Variants in COPS8 observed in about 807,000 individuals in gnomAD.
The protein encoded by COPS8 is COP9 signalosome subunit 8, also known as COP9 signalosome complex subunit 8.
Under a neutral mutation model 31.5 loss-of-function variants are expected in COPS8, and 11 were observed. The observed-to-expected ratio is 0.35, with a 90% CI of 0.22 to 0.58. COPS8 has a LOEUF of 0.58. Ranked by LOEUF, COPS8 falls within the 20% of genes least tolerant of loss-of-function variation. The pLI is 0.83. For missense variants in COPS8, 215 were observed against 255.1 expected, an observed-to-expected ratio of 0.84 and a Z score of 1.07; for synonymous variants, 81 against 89.3, an observed-to-expected ratio of 0.91 and a Z score of 0.52.
At position 237,094,109 on chromosome 2, in the gene COPS8, C is replaced by A. The variant is rs1267521537; in HGVS notation, c.351C>A (p.Ala117=). Residue 117 remains alanine (A), a synonymous_variant, in exon 5 of 8, where the codon GCC becomes GCA. Coordinates refer to ENST00000354371, the MANE Select transcript of COPS8 (RefSeq NM_006710.5). ...CAATAGATGCAACAAGGAGACGCGC[C>A]TTTGCCCTGGTCTCTCAAGCGTATA... ...EALRDATRRR[A]FALVSQAYTS... 1 of 1,613,786 alleles carries A rather than the reference C, an allele frequency of 6.2e-7. No individual in the cohort carries two copies. The highest frequency in any genetic ancestry group is 1.1e-5 in the South Asian group (1 of 91,006).
chr2:237,089,321 TTAAG>T (rs1234112377), intron 3 of COPS8, among the ~76,000 whole-genome samples: 3 of 152,182 alleles, frequency 2.0e-5, no homozygotes, highest in East Asian at 3.8e-4. Flanking sequence ...TTCTGTTCTG[TTAAG>T]TAAGATTGGA....
chr2:237,087,780 A>C (rs1156456146), intron 2 of COPS8, among the ~76,000 whole-genome samples: 1 of 152,110 alleles, frequency 6.6e-6, no homozygotes, highest in Non-Finnish European at 1.5e-5. Context: ...AAAATACAAA[A>C]AATTAGCTGG....
At chr2:237,089,333 G>A (rs1301604655) in intron 3 of COPS8, among the ~76,000 whole-genome samples, 1 of 151,646 alleles carries the variant, frequency 6.6e-6, no homozygotes, top group Non-Finnish European at 1.5e-5. Context: ...AAGTAAGATT[G>A]GAATATTCCT....
intron 1 of COPS8, chr2:237,086,625 C>A (rs80012723): frequency 6.0e-6 from 1 of 166,432 alleles, no homozygotes; most frequent in Non-Finnish European, 1.2e-5. Context: ...GAGACAACAT[C>A]CAGAAGCAGC....
chr2:237,095,703 A>G (rs1216331987), intron 5 of COPS8, 119 bp from the exon 6 acceptor site: 6 of 639,540 alleles, frequency 9.4e-6, no homozygotes, highest in East Asian at 8.3e-5. Flanking sequence ...GTAAAAATGC[A>G]TATGACGGGT....
intron 4 of COPS8, among the ~76,000 whole-genome samples, chr2:237,092,187 C>T (rs1198351833): frequency 2.0e-5 from 3 of 152,230 alleles, no homozygotes; most frequent in Non-Finnish European, 4.4e-5. Context: ...TTTATTCCAC[C>T]TTCCAGCGTG....
chr2:237,091,176 C>T (rs1312283595), intron 4 of COPS8, among the ~76,000 whole-genome samples: 1 of 152,092 alleles, frequency 6.6e-6, no homozygotes, highest in Non-Finnish European at 1.5e-5. Context: ...TTCCCGGAGC[C>T]GCCTCTCACT....
At position 237,085,994 on chromosome 2, in the gene COPS8, C is replaced by G. The variant is rs370080227; in HGVS notation, c.30C>G (p.Ala10=). The G allele has an allele frequency of 1.9e-6, 3 of 1,613,434 alleles. No homozygotes were observed. The highest frequency in any genetic ancestry group is 2.2e-5 in the South Asian group (2 of 90,970). Residue 10 remains alanine, a synonymous_variant, in exon 1 of 8, where the codon GCC becomes GCG. Transcript: ENST00000354371. MPVAVMAES[A]FSFKKLLDQC... The stretch of plus-strand genomic sequence containing the variant: ...CAGTGGCGGTGATGGCGGAAAGCGC[C>G]TTTAGTTTCAAAAAGTTGCTGGATC...
At position 237,097,983 on chromosome 2, in the gene COPS8, G is replaced by A. The variant is rs1275805157; in HGVS notation, c.*241G>A. The A allele has an allele frequency of 3.4e-5, 12 of 353,496 alleles. No homozygotes were observed. The highest frequency in any genetic ancestry group is 6.3e-5 in the African/African-American group (3 of 47,610). The allele number at this position is 353,496 out of a possible 1,614,324, so 21.9% of individuals were successfully genotyped here. On this transcript the variant is annotated 3_prime_UTR_variant, in exon 8 of 8. Transcript: ENST00000354371. The stretch of plus-strand genomic sequence containing the variant: ...TTAATAATCTGGATGGAGCCTGTCA[G>A]TATTACAGTTAGTTTTCTAGTGACT...
rs1051150648 is a variant in COPS8 at position 237,099,952 on chromosome 2, T to A, written c.*2210T>A. The A allele has an allele frequency of 6.6e-6, 1 of 152,200 alleles. No individual in the cohort carries two copies. The highest frequency in any genetic ancestry group is 2.4e-5 in the African/African-American group (1 of 41,452). The allele number at this position is 152,200 out of a possible 1,614,324, so 9.4% of individuals were successfully genotyped here. Reference sequence around the variant, plus strand: ...AAATATTTGTATATGTGTCTGTTTTTAACTCTTAATAACCTCATCACTGTA... The same window carrying A: ...AAATATTTGTATATGTGTCTGTTTTAAACTCTTAATAACCTCATCACTGTA... On this transcript the variant is annotated 3_prime_UTR_variant, in exon 8 of 8. Coordinates refer to ENST00000354371, the MANE Select transcript of COPS8 (RefSeq NM_006710.5).
chr2:237,087,389 A>G (rs1442243320), intron 2 of COPS8, 192 bp downstream of exon 2: 3 of 543,236 alleles, frequency 5.5e-6, no homozygotes, highest in South Asian at 2.6e-5. Context: ...TCTTACATAT[A>G]CTTTCTAGAA....
At chr2:237,096,005 A>T (rs1165417538) in intron 6 of COPS8, 121 bp downstream of exon 6, 3 of 671,360 alleles carry the variant, frequency 4.5e-6, no homozygotes, top group Non-Finnish European at 8.1e-6. Flanking sequence ...AATGGAAATA[A>T]CTCATTTTAA....
At chr2:237,096,417 G>C (rs564330472) in intron 6 of COPS8, among the ~76,000 whole-genome samples, 2 of 152,006 alleles carry the variant, frequency 1.3e-5, no homozygotes, top group Non-Finnish European at 2.9e-5. Flanking sequence ...ACTCATTCCC[G>C]CCTGATAGTT....
At position 237,100,066 on chromosome 2, in the gene COPS8, A is replaced by G. The variant is rs1426452013; in HGVS notation, c.*2324A>G. ...ATATGCTGCCAATCTCTAAAGCAAC[A>G]AAATCGAACCTGTAGGGTAGTCAAA... On this transcript the variant is annotated 3_prime_UTR_variant, in exon 8 of 8. Coordinates refer to ENST00000354371, the MANE Select transcript of COPS8 (RefSeq NM_006710.5). 6.6e-6 allele frequency: 1 copy of G among 152,212 alleles called. No homozygotes were observed. Among genetic ancestry groups the G allele is most frequent in the East Asian group, 1.9e-4 (1 of 5,192 alleles). The allele number at this position is 152,212 out of a possible 1,614,324, so 9.4% of individuals were successfully genotyped here.
chr2:237,099,660 G>C lies in COPS8; in HGVS notation c.*1918G>C, dbSNP rs1430963463. The C allele has an allele frequency of 2.0e-5, 3 of 152,052 alleles. No individual in the cohort carries two copies. Among genetic ancestry groups the C allele is most frequent in the Non-Finnish European group, 4.4e-5 (3 of 68,010 alleles). The allele number at this position is 152,052 out of a possible 1,614,324, so 9.4% of individuals were successfully genotyped here. ...TTTCCCACTCCTGTCTACATGAAAA[G>C]GTCTAGAGTAATTACAGTTCAGTAA... On this transcript the variant is annotated 3_prime_UTR_variant, in exon 8 of 8. Transcript: ENST00000354371.
rs1696849531 is a variant in COPS8, at chr2:237,098,954, A to G, written c.*1212A>G. 6.6e-6 allele frequency: 1 copy of G among 152,196 alleles called. No individual in the cohort carries two copies. The highest frequency in any genetic ancestry group is 2.4e-5 in the African/African-American group (1 of 41,446). 9.4% of individuals were successfully genotyped at this position (152,196 alleles called of 1,614,324 possible). Reference sequence around the variant, plus strand: ...AAGTCATATTAAAATTCCTTGTTTTACAGTTGAGGAAATGGGAATTCAAGA... The same window carrying G: ...AAGTCATATTAAAATTCCTTGTTTTGCAGTTGAGGAAATGGGAATTCAAGA... On this transcript the variant is annotated 3_prime_UTR_variant, in exon 8 of 8. Coordinates refer to ENST00000354371, the MANE Select transcript of COPS8 (RefSeq NM_006710.5).
At chr2:237,088,769 T>A in intron 3 of COPS8, 116 bp downstream of exon 3, 1 of 590,588 alleles carries the variant, frequency 1.7e-6, no homozygotes, top group Non-Finnish European at 2.9e-6. Context: ...ATCAGATTGG[T>A]ATTAAGGATT....
Position 237,089,865 on chromosome 2 carries a change from A to C in COPS8, c.202A>C (p.Asn68His), listed in dbSNP as rs368486540. 1.2e-6 allele frequency: 2 copies of C among 1,612,246 alleles called. No homozygotes were observed. The highest frequency in any genetic ancestry group is 2.2e-5 in the East Asian group (1 of 44,872). ...KRIPPAIKSA[N>H]SELGGIWSVG... ...AAGGCAATAATATTTATTGCAGGCA[A>C]ATTCTGAACTTGGGGGAATTTGGTC... Residue 68 changes from asparagine to histidine, a missense_variant, in exon 4 of 8, where the codon AAT (asparagine) becomes CAT (histidine). Physicochemically the swap from Asn to His is moderately conservative, Grantham distance 68 (BLOSUM62 1). Transcript: ENST00000354371.
intron 4 of COPS8, chr2:237,093,593 A>T: frequency 1.5e-6 from 1 of 675,402 alleles, no homozygotes; most frequent in Non-Finnish European, 1.8e-6. Flanking sequence ...TTTGAACCTT[A>T]ATTCAGTCAA....
Sources: allele counts gnomAD v4.1 joint callset (sites outside exome capture counted in the v4.1 genomes callset), GRCh38; gene constraint gnomAD v4.1.1; transcripts MANE v1.5; gene names NCBI Gene and HGNC (gene_info 2026-07-23, HGNC 2026-07-21).